Variants in C12orf42 observed in about 807,000 individuals in gnomAD.
C12orf42 encodes uncharacterized protein C12orf42.
A neutral mutation model predicts 21.6 loss-of-function variants in C12orf42; 25 were observed. That is an observed-to-expected ratio of 1.16 (90% CI 0.84 to 1.62). The LOEUF (loss-of-function observed/expected upper bound fraction) is 1.62. Among genes scored for constraint, C12orf42 ranks in the 40% most tolerant of loss-of-function variants. The probability of loss-of-function intolerance (pLI) is 0.00; values close to 1 mark genes in which losing one functional copy is unlikely to be tolerated. For missense variants in C12orf42, 483 were observed against 459.3 expected, an observed-to-expected ratio of 1.05 and a Z score of -0.47; for synonymous variants, 174 against 175.0, an observed-to-expected ratio of 0.99 and a Z score of 0.05.
At chr12:103,218,120 A>G in the C12orf42 span, among the ~76,000 whole-genome samples, 1 of 152,056 alleles carries the variant, frequency 6.6e-6, no homozygotes, top group Admixed American at 6.5e-5. Flanking sequence ...TCTCTACTAA[A>G]AATACAAAAA....
At chr12:103,338,543 G>T (rs553421893) in intron 4 of C12orf42, among the ~76,000 whole-genome samples, 7 of 152,326 alleles carry the variant, frequency 4.6e-5, no homozygotes, top group African/African-American at 1.7e-4. Flanking sequence ...TGCAATTCTT[G>T]CAGTGCATTT....
At chr12:103,500,945 A>G (rs1463115434), upstream of C12orf42, among the ~76,000 whole-genome samples, 1 of 152,234 alleles carries the variant, frequency 6.6e-6, no homozygotes, top group African/African-American at 2.4e-5. Flanking sequence ...GTCGCTTTCC[A>G]GACATAATGT....
the C12orf42 span, among the ~76,000 whole-genome samples, chr12:103,229,809 T>A: frequency 1.3e-5 from 2 of 152,250 alleles, no homozygotes; most frequent in African/African-American, 4.8e-5. Context: ...GATTCATATA[T>A]GCTAATGCAT....
rs1328899188 is a variant in C12orf42 at position 103,491,342 on chromosome 12, A to G, written c.-22+4560T>C. ...ATAGTAGTTTTTATATTGAATCTCT[A>G]TATGTACTATAACAAGAGGAAACTC... On this transcript the variant is annotated intron_variant, in intron 1 of 5. Coordinates refer to ENST00000548883, the MANE Select transcript of C12orf42 (RefSeq NM_198521.5). Among the ~76,000 whole-genome samples the G allele has an allele frequency of 2.0e-5, 3 of 152,144 alleles. No homozygotes were observed. The East Asian group carries it at 5.8e-4, about 29-fold the overall frequency.
rs1593340468 is a variant in C12orf42 at position 103,302,660 on chromosome 12, T to TAA, written c.632-103_632-102dup. 8.4e-6 allele frequency: 8 copies of TAA among 957,794 alleles called. No individual in the cohort carries two copies. The East Asian group carries it at 1.7e-4, about 21-fold the overall frequency. The allele number at this position is 957,794 out of a possible 1,614,324, so 59.3% of individuals were successfully genotyped here. ...TGGACGTCTGAGAAATCAACATTTGTAATGTGCTCAGAGGGGAAAGAAAAA... is the reference window on the plus strand; with the variant it reads ...TGGACGTCTGAGAAATCAACATTTGTAAAATGTGCTCAGAGGGGAAAGAAAAA... On this transcript the variant is annotated intron_variant, in intron 5 of 5. Transcript: ENST00000548883.
chr12:103,105,813 T>G, the C12orf42 span, among the ~76,000 whole-genome samples: 3 of 152,012 alleles, frequency 2.0e-5, no homozygotes, highest in Non-Finnish European at 2.9e-5. Context: ...GAGCTAAATA[T>G]GAAGAAATTT....
At chr12:103,261,385 G>A (rs568806082) in intron 10 of C12orf42, among the ~76,000 whole-genome samples, 23 of 151,664 alleles carry the variant, frequency 1.5e-4, no homozygotes, top group African/African-American at 5.6e-4. Flanking sequence ...GTGAGGCTAA[G>A]GCAGGAGGAT....
chr12:103,421,618 A>ATAT (rs2049917609), intron 2 of C12orf42, among the ~76,000 whole-genome samples: 1 of 149,408 alleles, frequency 6.7e-6, no homozygotes, highest in East Asian at 1.9e-4. Context: ...TAAATAAATA[A>ATAT]ATATCAGCAT....
intron 1 of C12orf42, among the ~76,000 whole-genome samples, chr12:103,494,486 T>C (rs1034845370): frequency 1.3e-5 from 2 of 152,076 alleles, no homozygotes; most frequent in Non-Finnish European, 2.9e-5. Context: ...TTTATTGGCA[T>C]TTTTTTATCT....
intron 4 of C12orf42, among the ~76,000 whole-genome samples, chr12:103,314,901 TATC>T (rs2039310134): frequency 6.6e-6 from 1 of 152,120 alleles, no homozygotes; most frequent in Non-Finnish European, 1.5e-5. Context: ...ATCCATACCT[TATC>T]ATCACACCAA....
intron 3 of C12orf42, among the ~76,000 whole-genome samples, chr12:103,377,965 G>T (rs1302623615): frequency 6.6e-6 from 1 of 152,130 alleles, no homozygotes; most frequent in Non-Finnish European, 1.5e-5. Context: ...GTGTGTGAAT[G>T]CATTTTGTTT....
intron 2 of C12orf42, among the ~76,000 whole-genome samples, chr12:103,441,854 A>G (rs984834211): frequency 6.6e-6 from 1 of 152,218 alleles, no homozygotes; most frequent in Non-Finnish European, 1.5e-5. Context: ...TAGAAATCAA[A>G]AATCTAGCCC....
intron 4 of C12orf42, among the ~76,000 whole-genome samples, chr12:103,345,456 C>A (rs1409484388): frequency 6.6e-6 from 1 of 152,106 alleles, no homozygotes; most frequent in Non-Finnish European, 1.5e-5. Flanking sequence ...TATTCCAGTG[C>A]CATCCATTCA....
At chr12:103,358,495 A>T (rs1250911622) in intron 4 of C12orf42, among the ~76,000 whole-genome samples, 2 of 152,062 alleles carry the variant, frequency 1.3e-5, no homozygotes, top group Admixed American at 6.6e-5. Flanking sequence ...CTGAGTCCAC[A>T]GAAGACATAA....
chr12:103,513,550 TCCCCTCAACCAAAAAAAGAAAAA>T, the C12orf42 span, among the ~76,000 whole-genome samples: 1 of 152,092 alleles, frequency 6.6e-6, no homozygotes, highest in East Asian at 1.9e-4. Context: ...TGATCAGCCT[TCCCCTCAACCAAAAAAAGAAAAA>T]GCTTTCACTC....
chr12:103,187,251 G>T, the C12orf42 span, among the ~76,000 whole-genome samples: 2 of 152,172 alleles, frequency 1.3e-5, no homozygotes. Flanking sequence ...CAGTTTTACA[G>T]ATTAACTCAT....
intron 4 of C12orf42, among the ~76,000 whole-genome samples, chr12:103,310,874 G>A (rs1336946627): frequency 4.6e-5 from 7 of 152,164 alleles, no homozygotes; most frequent in African/African-American, 9.7e-5. Flanking sequence ...AAACAATAGC[G>A]CTGGATCTCT....
At chr12:103,278,879 C>G (rs1331407996) in intron 4 of C12orf42, among the ~76,000 whole-genome samples, 3 of 152,222 alleles carry the variant, frequency 2.0e-5, no homozygotes, top group African/African-American at 7.2e-5. Flanking sequence ...AGAAACTCCA[C>G]ATTTTCCCCT....
At chr12:103,542,420 G>A in the C12orf42 span, among the ~76,000 whole-genome samples, 5 of 152,312 alleles carry the variant, frequency 3.3e-5, no homozygotes, top group Admixed American at 1.3e-4. Context: ...ACAGATGCCC[G>A]GAAAGACTTT....
Sources: allele counts gnomAD v4.1 joint callset (sites outside exome capture counted in the v4.1 genomes callset), GRCh38; gene constraint gnomAD v4.1.1; transcripts MANE v1.5; gene names NCBI Gene and HGNC (gene_info 2026-07-23, HGNC 2026-07-21).